HIBCH: variants seen among roughly 807,000 people sequenced by gnomAD.
The protein encoded by HIBCH is 3-hydroxyisobutyryl-CoA hydrolase, mitochondrial.
HIBCH carries 50 observed loss-of-function variants against 58.2 expected under a neutral mutation model. That is an observed-to-expected ratio of 0.86 (90% CI 0.68 to 1.09). The LOEUF (loss-of-function observed/expected upper bound fraction) is 1.09. Among genes scored for constraint, HIBCH ranks in the 50% least tolerant of loss-of-function variants. The probability of loss-of-function intolerance (pLI) is 0.00; values close to 1 mark genes in which losing one functional copy is unlikely to be tolerated. For synonymous variants in HIBCH, 151 were observed against 146.9 expected, an observed-to-expected ratio of 1.03 and a Z score of -0.20; for missense variants, 450 against 449.7, an observed-to-expected ratio of 1.00 and a Z score of -0.01.
chr2:190,293,430 G>A (rs148418682), intron 4 of HIBCH, among the ~76,000 whole-genome samples: 2,342 of 150,844 alleles, frequency 0.016, 65 homozygotes, highest in African/African-American at 0.052. Context: ...TCCAGCCTGC[G>A]CAACAAGAGC....
At chr2:190,225,115 A>C (rs1179313127) in intron 11 of HIBCH, among the ~76,000 whole-genome samples, 1 of 152,224 alleles carries the variant, frequency 6.6e-6, no homozygotes, top group Non-Finnish European at 1.5e-5. Context: ...GACACACTTA[A>C]AGCAGTGTGT....
At chr2:190,283,122 A>T (rs927224093) in intron 6 of HIBCH, among the ~76,000 whole-genome samples, 8 of 152,204 alleles carry the variant, frequency 5.3e-5, no homozygotes, top group Non-Finnish European at 1.2e-4. Context: ...TTCCGATTTC[A>T]GATTTTTAGA....
intron 11 of HIBCH, among the ~76,000 whole-genome samples, chr2:190,234,867 T>C (rs1272969768): frequency 6.7e-6 from 1 of 148,636 alleles, no homozygotes; most frequent in Non-Finnish European, 1.5e-5. Context: ...AAACGTATGG[T>C]GTGAGAAGCC....
rs1463446371 is a variant in HIBCH, at chr2:190,243,781, A to C, written c.891+1106T>G. 6.6e-6 allele frequency among the ~76,000 whole-genome samples: 1 copy of C among 152,146 alleles called. No homozygotes were observed. The highest frequency in any genetic ancestry group is 1.5e-5 in the Non-Finnish European group (1 of 68,024). On this transcript the variant is annotated intron_variant, in intron 11 of 13. Coordinates refer to ENST00000359678, the MANE Select transcript of HIBCH (RefSeq NM_014362.4). The surrounding 1 kb of genome is among the most constrained non-coding windows in gnomAD (Gnocchi z 4.1). Reference sequence around the variant, plus strand: ...CTAGGAGGTCGAGACCAGTCTGGCCAACATGGTGAAACCTTGTCTCTACAA... The same window carrying C: ...CTAGGAGGTCGAGACCAGTCTGGCCCACATGGTGAAACCTTGTCTCTACAA...
chr2:190,304,742 AGT>A lies in HIBCH; in HGVS notation c.78+6010_78+6011del, dbSNP rs1688360038. On this transcript the variant is annotated intron_variant, in intron 2 of 13. Transcript: ENST00000359678. The surrounding 1 kb of genome is among the most constrained non-coding windows in gnomAD (Gnocchi z 4.1). The stretch of plus-strand genomic sequence containing the variant: ...AACTTATTTTTTTTGTAAAACCAGC[AGT>A]TTTATTTTAACCAACATTTGTTTTG... Among the ~76,000 whole-genome samples, 2 of 152,334 alleles carry A rather than the reference AGT, an allele frequency of 1.3e-5. No individual in the cohort carries two copies. The highest frequency in any genetic ancestry group is 2.1e-4 in the South Asian group (1 of 4,824).
At chr2:190,299,995 GTCT>G (rs759081514) in intron 2 of HIBCH, among the ~76,000 whole-genome samples, 46 of 152,254 alleles carry the variant, frequency 3.0e-4, no homozygotes, top group African/African-American at 5.3e-4. Flanking sequence ...AAAGGACATA[GTCT>G]TCTTCTTTTT....
rs550939576 is a variant in HIBCH, at chr2:190,194,465, G to A, written c.*18-4468C>T. ...ATGGAGCAGGAAGTAGTGTTCCCACGTATCCTGTGTATACACACACACACA... is the reference window on the plus strand; with the variant it reads ...ATGGAGCAGGAAGTAGTGTTCCCACATATCCTGTGTATACACACACACACA... On this transcript the variant is annotated intron_variant, in intron 1 of 1. Coordinates refer to the HIBCH transcript ENST00000399855. Among the ~76,000 whole-genome samples, 10 of 141,238 alleles carry A rather than the reference G, an allele frequency of 7.1e-5. No homozygotes were observed. The South Asian group carries it at 2.0e-3, about 29-fold the overall frequency. 92.7% of individuals were successfully genotyped at this position (141,238 alleles called of 152,430 possible).
chr2:190,201,455 C>T (rs962769197), downstream of HIBCH: 1 of 166,896 alleles, frequency 6.0e-6, no homozygotes, highest in African/African-American at 2.4e-5. Context: ...TTATTTAAGC[C>T]TGTGTATGTT....
rs192698355 is a variant in HIBCH, at chr2:190,254,284, G to A, written c.518-1977C>T. On this transcript the variant is annotated intron_variant, in intron 7 of 13. Coordinates refer to ENST00000359678, the MANE Select transcript of HIBCH (RefSeq NM_014362.4). This position sits in a 1 kb window ranked among gnomAD's most constrained non-coding sequence, Gnocchi z 5.0. ...CAGGACTGGTGTCCTTATAAGAGGAGGAAGAAACACAGGGATGCATGTGAA... is the reference window on the plus strand; with the variant it reads ...CAGGACTGGTGTCCTTATAAGAGGAAGAAGAAACACAGGGATGCATGTGAA... 2.4e-4 allele frequency among the ~76,000 whole-genome samples: 37 copies of A among 152,154 alleles called. No individual in the cohort carries two copies. Among genetic ancestry groups the A allele is most frequent in the Admixed American group, 5.2e-4 (8 of 15,280 alleles).
At chr2:190,252,890 C>A (rs933489603) in intron 7 of HIBCH, among the ~76,000 whole-genome samples, 4 of 152,076 alleles carry the variant, frequency 2.6e-5, no homozygotes, top group South Asian at 2.1e-4. Context: ...CGGGTAACAA[C>A]TGAAAATAGC....
At chr2:190,249,778 G>A (rs1237210712) in intron 8 of HIBCH, 52 bp from the exon 9 acceptor site, 2 of 1,128,546 alleles carry the variant, frequency 1.8e-6, no homozygotes, top group Non-Finnish European at 2.7e-6. Flanking sequence ...TAGAAACATA[G>A]AAAGCTTTAT....
At chr2:190,238,567 C>T (rs1055410009) in intron 11 of HIBCH, among the ~76,000 whole-genome samples, 7 of 152,124 alleles carry the variant, frequency 4.6e-5, no homozygotes, top group Admixed American at 1.3e-4. Context: ...CAGGTTCAAG[C>T]GATTTTCCTG....
At chr2:190,309,478 G>A (rs1253509824) in intron 2 of HIBCH, among the ~76,000 whole-genome samples, 1 of 151,726 alleles carries the variant, frequency 6.6e-6, no homozygotes, top group African/African-American at 2.4e-5. Context: ...ATAAACTTTG[G>A]ATATTTAACT....
At position 190,290,500 on chromosome 2, in the gene HIBCH, T is replaced by C. The variant is rs1019573619; in HGVS notation, c.305-15A>G. 4 of 1,544,156 alleles carry C rather than the reference T, an allele frequency of 2.6e-6. No individual in the cohort carries two copies. Among genetic ancestry groups the C allele is most frequent in the Non-Finnish European group, 3.6e-6 (4 of 1,120,402 alleles). ...TTCCGAGATCACTAGGAAGGAAAGATTACAAATAAAAAAAAAAAGATTTAA... is the reference window on the plus strand; with the variant it reads ...TTCCGAGATCACTAGGAAGGAAAGACTACAAATAAAAAAAAAAAGATTTAA... On this transcript the variant is annotated splice_polypyrimidine_tract_variant and intron_variant, in intron 4 of 13. Transcript: ENST00000359678.
At chr2:190,237,512 T>C (rs182264776) in intron 11 of HIBCH, among the ~76,000 whole-genome samples, 2 of 152,326 alleles carry the variant, frequency 1.3e-5, no homozygotes, top group East Asian at 3.9e-4. Context: ...CCAATGAACA[T>C]GTAAATATAA....
At chr2:190,246,282 T>C in intron 9 of HIBCH, 70 bp from the exon 10 acceptor site, 2 of 847,854 alleles carry the variant, frequency 2.4e-6, no homozygotes, top group South Asian at 3.0e-5. Context: ...TCATATTTAA[T>C]GATACACTTT....
chr2:190,222,523 CTCA>C (rs1248572055), intron 11 of HIBCH, among the ~76,000 whole-genome samples: 2 of 151,806 alleles, frequency 1.3e-5, no homozygotes, highest in Admixed American at 1.3e-4. Flanking sequence ...TGAAAAAATG[CTCA>C]TCATCACTGG....
At chr2:190,257,326 T>A (rs1686954168) in intron 7 of HIBCH, among the ~76,000 whole-genome samples, 1 of 152,018 alleles carries the variant, frequency 6.6e-6, no homozygotes, top group Non-Finnish European at 1.5e-5. Context: ...TACCCACATC[T>A]CATACAAGTG....
Position 190,210,098 on chromosome 2 carries a change from C to T in HIBCH, c.1012-1185G>A, listed in dbSNP as rs1484704572. ...ATAAAAAAGGAACTTCATTTGATTCCACAGTCCCAGCTTCTATCCTATTTC... is the reference window on the plus strand; with the variant it reads ...ATAAAAAAGGAACTTCATTTGATTCTACAGTCCCAGCTTCTATCCTATTTC... On this transcript the variant is annotated intron_variant, in intron 12 of 13. Coordinates refer to ENST00000359678, the MANE Select transcript of HIBCH (RefSeq NM_014362.4). This position sits in a 1 kb window ranked among gnomAD's most constrained non-coding sequence, Gnocchi z 5.5. Among the ~76,000 whole-genome samples the T allele has an allele frequency of 6.6e-6, 1 of 152,078 alleles. No homozygotes were observed. Among genetic ancestry groups the T allele is most frequent in the Non-Finnish European group, 1.5e-5 (1 of 68,030 alleles).
Sources: allele counts gnomAD v4.1 joint callset (sites outside exome capture counted in the v4.1 genomes callset), GRCh38; gene constraint gnomAD v4.1.1; non-coding constraint Gnocchi (gnomAD v3.1); transcripts MANE v1.5; gene names NCBI Gene and HGNC (gene_info 2026-07-23, HGNC 2026-07-21).